The following MYCBP2 variants were observed in gnomAD, a reference collection of about 807,000 sequenced individuals.
MYCBP2 encodes the protein MYC binding protein 2, also known as E3 ubiquitin-protein ligase MYCBP2.
Under a neutral mutation model 525.3 loss-of-function variants are expected in MYCBP2, and 120 were observed. The ratio of observed to expected loss-of-function variants is 0.23; its 90% confidence interval spans 0.20 to 0.27. The LOEUF (loss-of-function observed/expected upper bound fraction) is 0.27. Among genes scored for constraint, MYCBP2 ranks in the 10% least tolerant of loss-of-function variants. MYCBP2 has a pLI of 1.00. For missense variants in MYCBP2, 4,149 were observed against 5,657.1 expected, an observed-to-expected ratio of 0.73 and a Z score of 8.55; for synonymous variants, 1,894 against 1,955.8, an observed-to-expected ratio of 0.97 and a Z score of 0.83.
chr13:77,103,149 T>C, intron 55 of MYCBP2: 1 of 396,964 alleles, frequency 2.5e-6, no homozygotes, highest in East Asian at 3.6e-5. Flanking sequence ...CGGAAACATC[T>C]TTAATGACAC....
At chr13:77,298,082 C>T (rs2078385864) in intron 1 of MYCBP2, among the ~76,000 whole-genome samples, 1 of 152,202 alleles carries the variant, frequency 6.6e-6, no homozygotes, top group African/African-American at 2.4e-5. Context: ...TTAAAAGATC[C>T]TCTTCCAATA....
chr13:77,074,002 GCC>G lies in MYCBP2; in HGVS notation c.11823+2747_11823+2748del, dbSNP rs34371055. Among the ~76,000 whole-genome samples the G allele has an allele frequency of 2.3e-4, 25 of 106,640 alleles. No individual in the cohort carries two copies. The East Asian group carries it at 2.4e-3, about 10-fold the overall frequency. The allele number at this position is 106,640 out of a possible 152,430, so 70.0% of individuals were successfully genotyped here. A position where few individuals can be genotyped will look rare whatever the true frequency, so the allele number is the denominator to read the frequency against. ...TTCCAGTCAAAATTCCATCCCCACC[GCC>G]CCCCCCCCTTTTTTTTTTAAAGAAA... On this transcript the variant is annotated intron_variant, in intron 68 of 82. Coordinates refer to ENST00000544440, the MANE Select transcript of MYCBP2 (RefSeq NM_015057.5).
intron 16 of MYCBP2, 55 bp downstream of exon 16, chr13:77,243,751 G>C: frequency 6.7e-7 from 1 of 1,501,902 alleles, no homozygotes; most frequent in Non-Finnish European, 9.0e-7. Context: ...TAAACTGTCA[G>C]ACTTACTGAG....
chr13:77,273,364 A>T, intron 5 of MYCBP2, 108 bp downstream of exon 5: 1 of 842,080 alleles, frequency 1.2e-6, no homozygotes, highest in Non-Finnish European at 1.8e-6. Context: ...TGGACAGATT[A>T]AGCTACTGTA....
rs139852725 is a variant in MYCBP2 at position 77,185,114 on chromosome 13, A to G, written c.4708T>C (p.Cys1570Arg). 79 of 1,613,796 alleles carry G rather than the reference A, an allele frequency of 4.9e-5. No homozygotes were observed. The highest frequency in any genetic ancestry group is 6.4e-5 in the Non-Finnish European group (75 of 1,179,840). The change falls in exon 32 of 83, where the codon TGT becomes CGT. Residue 1570 changes from cysteine to arginine, a missense_variant. This residue lies in a region of MYCBP2 where 292 missense variants were observed against 330.5 expected (regional missense o/e 0.88). Coordinates refer to ENST00000544440, the MANE Select transcript of MYCBP2 (RefSeq NM_015057.5). Reference protein sequence around the residue: ...QWACLCDLLNCLDQDIQEANF... With the variant: ...QWACLCDLLNRLDQDIQEANF... ...CAAACTTAAATTACCTGATCCAAAC[A>G]ATTCAGCAGATCACAAAGGCAAGCC...
intron 36 of MYCBP2, among the ~76,000 whole-genome samples, chr13:77,175,372 G>A (rs1328854495): frequency 6.6e-6 from 1 of 151,862 alleles, no homozygotes; most frequent in Non-Finnish European, 1.5e-5. Flanking sequence ...TAGGCAAACA[G>A]ACATGAGAAA....
At chr13:77,204,339 C>CA (rs2063028891) in intron 26 of MYCBP2, among the ~76,000 whole-genome samples, 1 of 149,088 alleles carries the variant, frequency 6.7e-6, no homozygotes, top group Non-Finnish European at 1.5e-5. Flanking sequence ...AAATCAAAAC[C>CA]ACAATGAGAT....
intron 42 of MYCBP2, 119 bp from the exon 43 acceptor site, chr13:77,164,660 T>G (rs2058329310): frequency 1.4e-6 from 1 of 690,004 alleles, no homozygotes; most frequent in Admixed American, 2.1e-5. Context: ...CACGTGAAGC[T>G]AATGGTTAAA....
intron 14 of MYCBP2, among the ~76,000 whole-genome samples, chr13:77,254,401 C>T (rs975552448): frequency 3.3e-5 from 5 of 151,478 alleles, no homozygotes; most frequent in Non-Finnish European, 7.4e-5. Flanking sequence ...AAAAAAATGA[C>T]AAGACATGGT....
chr13:77,294,003 C>T (rs2077761843), intron 2 of MYCBP2, among the ~76,000 whole-genome samples: 1 of 149,276 alleles, frequency 6.7e-6, no homozygotes, highest in Non-Finnish European at 1.5e-5. Context: ...AAAAGAAAGA[C>T]TGGTATCTAA....
chr13:77,111,942 T>C (rs902452943), intron 55 of MYCBP2, among the ~76,000 whole-genome samples: 13 of 152,174 alleles, frequency 8.5e-5, no homozygotes, highest in Non-Finnish European at 1.0e-4. Flanking sequence ...CTCTCTAGTC[T>C]AAGACACTGA....
Position 77,064,513 on chromosome 13 carries a change from A to G in MYCBP2, c.12672+102T>C, listed in dbSNP as rs182046412. ...TACGGTATTTGGTTAAAAAATAATT[A>G]TGTTGACTTAGTGATTAAAATTTGT... On this transcript the variant is annotated intron_variant, in intron 73 of 82. Coordinates refer to ENST00000544440, the MANE Select transcript of MYCBP2 (RefSeq NM_015057.5). 7,281 of 1,273,510 alleles carry G rather than the reference A, an allele frequency of 5.7e-3. 40 individuals carry two copies. Among genetic ancestry groups the G allele is most frequent in the Non-Finnish European group, 7.1e-3 (6,695 of 942,096 alleles). 78.9% of individuals were successfully genotyped at this position (1,273,510 alleles called of 1,614,324 possible). A position where few individuals can be genotyped will look rare whatever the true frequency, so the allele number is the denominator to read the frequency against.
Position 77,314,527 on chromosome 13 carries a change from A to C in MYCBP2, c.302+11947T>G, listed in dbSNP as rs543048021. On this transcript the variant is annotated intron_variant, in intron 1 of 82. Coordinates refer to ENST00000544440, the MANE Select transcript of MYCBP2 (RefSeq NM_015057.5). ...AAGGAAACCAATCTGAAAAGGCCAC[A>C]TACTGTATGATTTCAACTATAGCAC... Among the ~76,000 whole-genome samples, 6 of 152,352 alleles carry C rather than the reference A, an allele frequency of 3.9e-5. No individual in the cohort carries two copies. In the East Asian group the frequency reaches 9.6e-4, roughly 24 times the overall value.
At chr13:77,248,005 C>T (rs1014958523) in intron 15 of MYCBP2, among the ~76,000 whole-genome samples, 5 of 151,178 alleles carry the variant, frequency 3.3e-5, no homozygotes, top group African/African-American at 7.3e-5. Context: ...GTGGGGGAAG[C>T]GGGGAGGGAT....
intron 5 of MYCBP2, among the ~76,000 whole-genome samples, chr13:77,272,758 C>G (rs1471616944): frequency 6.6e-6 from 1 of 152,178 alleles, no homozygotes; most frequent in South Asian, 2.1e-4. Flanking sequence ...AGAAAATGAC[C>G]AATATACTCC....
intron 1 of MYCBP2, among the ~76,000 whole-genome samples, chr13:77,307,840 C>T (rs1231186078): frequency 2.0e-5 from 3 of 151,966 alleles, no homozygotes; most frequent in Non-Finnish European, 2.9e-5. Flanking sequence ...CCCCCTGTCC[C>T]GCCAGCTTCT....
chr13:77,251,109 G>A (rs1411626378), intron 15 of MYCBP2, 42 bp downstream of exon 15: 1 of 1,578,444 alleles, frequency 6.3e-7, no homozygotes, highest in African/African-American at 1.3e-5. Context: ...GCAAAGAAAT[G>A]TGTTCTGCAC....
At position 77,166,347 on chromosome 13, in the gene MYCBP2, T is replaced by C. The variant is rs1396753777; in HGVS notation, c.6322A>G (p.Met2108Val). ...AACTTACCTGGCAACACCAAAACCA[T>C]AGTAGGCCACCCAGAGGATCCTGAA... ...KFSGSSGWPT[M>V]VLVLPGNEAL... Residue 2108 changes from methionine (M) to valine (V), a missense_variant, in exon 41 of 83, where the codon ATG becomes GTG. Transcript: ENST00000544440. The C allele has an allele frequency of 1.2e-6, 2 of 1,611,532 alleles. No individual in the cohort carries two copies. Among genetic ancestry groups the C allele is most frequent in the South Asian group, 1.1e-5 (1 of 90,586 alleles).
chr13:77,233,388 T>G, intron 17 of MYCBP2, 125 bp from the exon 18 acceptor site: 1 of 719,714 alleles, frequency 1.4e-6, no homozygotes, highest in Non-Finnish European at 2.2e-6. Flanking sequence ...CATTATACTT[T>G]TCTTCCAATT....
Sources: gnomAD v4.1 joint callset for allele counts (sites outside exome capture counted in the v4.1 genomes callset) on GRCh38, gnomAD v4.1.1 for gene constraint, gnomAD v4.1.1 regional missense constraint, MANE v1.5 for transcripts, NCBI Gene and HGNC (gene_info 2026-07-23, HGNC 2026-07-21) for gene names.